Variants in PCDHA7 observed in about 807,000 individuals in gnomAD.
PCDHA7 encodes the protein protocadherin alpha-7.
Under a neutral mutation model 57.2 loss-of-function variants are expected in PCDHA7, and 37 were observed. The ratio of observed to expected loss-of-function variants is 0.65; its 90% confidence interval spans 0.50 to 0.85. The LOEUF (loss-of-function observed/expected upper bound fraction) is 0.85, where lower values mean the gene tolerates loss of function less well. Among genes scored for constraint, PCDHA7 ranks in the 40% least tolerant of loss-of-function variants. The probability of loss-of-function intolerance (pLI) is 0.00; values close to 1 mark genes in which losing one functional copy is unlikely to be tolerated. For missense variants in PCDHA7, 1,188 were observed against 1,241.8 expected, an observed-to-expected ratio of 0.96 and a Z score of 0.65; for synonymous variants, 553 against 558.8, an observed-to-expected ratio of 0.99 and a Z score of 0.15.
At chr5:140,844,886 G>A (rs1779598763) in intron 1 of PCDHA7, among the ~76,000 whole-genome samples, 1 of 149,368 alleles carries the variant, frequency 6.7e-6, no homozygotes, top group Admixed American at 6.7e-5. Context: ...TAGACTTCGT[G>A]CATATTGCTT....
At chr5:140,915,622 T>TTCTC (rs1418940406) in intron 1 of PCDHA7, among the ~76,000 whole-genome samples, 2 of 128,520 alleles carry the variant, frequency 1.6e-5, no homozygotes, top group South Asian at 2.5e-4. Flanking sequence ...AACAGTCTCT[T>TTCTC]TCTGTCTCTC....
intron 1 of PCDHA7, chr5:140,969,102 T>C: frequency 1.2e-6 from 2 of 1,614,114 alleles, no homozygotes; most frequent in African/African-American, 1.3e-5. Flanking sequence ...CCTCACTTCA[T>C]TGAAGTTCGA....
intron 1 of PCDHA7, among the ~76,000 whole-genome samples, chr5:140,923,268 G>C (rs2081286092): frequency 6.6e-6 from 1 of 152,154 alleles, no homozygotes; most frequent in Non-Finnish European, 1.5e-5. Context: ...GTGAGACCTT[G>C]TCTCTACAAA....
intron 3 of PCDHA7, among the ~76,000 whole-genome samples, chr5:140,986,211 C>T (rs1257937611): frequency 1.3e-5 from 2 of 152,126 alleles, no homozygotes; most frequent in African/African-American, 2.4e-5. Flanking sequence ...GATTACTGGC[C>T]CCTTTCTCTA....
chr5:140,888,886 T>TA (rs2062023222), intron 1 of PCDHA7, among the ~76,000 whole-genome samples: 1 of 152,036 alleles, frequency 6.6e-6, no homozygotes, highest in South Asian at 2.1e-4. Flanking sequence ...ATTAAAACAT[T>TA]AGAATTGAGG....
chr5:140,883,150 C>T, intron 1 of PCDHA7: 1 of 1,613,910 alleles, frequency 6.2e-7, no homozygotes, highest in Non-Finnish European at 8.5e-7. Flanking sequence ...ATGCATTTAC[C>T]ATAAATCCGA....
At chr5:140,946,868 T>C (rs1468330981) in intron 1 of PCDHA7, among the ~76,000 whole-genome samples, 1 of 151,412 alleles carries the variant, frequency 6.6e-6, no homozygotes, top group Admixed American at 6.6e-5. Context: ...GAGAGGTTGG[T>C]CAATGGGTAC....
At chr5:140,895,532 A>G (rs546443647) in intron 1 of PCDHA7, among the ~76,000 whole-genome samples, 1 of 152,172 alleles carries the variant, frequency 6.6e-6, no homozygotes, top group East Asian at 1.9e-4. Flanking sequence ...TCGTTTTTCA[A>G]TTGTTGAGTT....
At chr5:140,988,856 C>G (rs1363693153) in intron 3 of PCDHA7, 1 of 152,180 alleles carries the variant, frequency 6.6e-6, no homozygotes, top group African/African-American at 2.4e-5. Context: ...CCTATCCAGT[C>G]TCATGTGCAC....
chr5:141,011,752 C>T lies in PCDHA7; in HGVS notation c.*1815C>T, dbSNP rs1051150394. On this transcript the variant is annotated 3_prime_UTR_variant, in exon 4 of 4. Transcript: ENST00000525929. ...CAAGCACAAATTTTACCAATCTGAC[C>T]TCTTTGAAGTTGCAGAATGCTTTGA... The T allele has an allele frequency of 6.5e-6, 1 of 153,662 alleles. No homozygotes were observed. The highest frequency in any genetic ancestry group is 6.5e-5 in the Admixed American group (1 of 15,272). The allele number at this position is 153,662 out of a possible 1,614,324, so 9.5% of individuals were successfully genotyped here. A position where few individuals can be genotyped will look rare whatever the true frequency, so the allele number is the denominator to read the frequency against.
chr5:140,874,662 G>A (rs1478767625), intron 1 of PCDHA7, among the ~76,000 whole-genome samples: 1 of 152,170 alleles, frequency 6.6e-6, no homozygotes, highest in Non-Finnish European at 1.5e-5. Flanking sequence ...AAACTTTCCA[G>A]AATCTATTCC....
chr5:140,966,862 G>T (rs782810195), intron 1 of PCDHA7: 1 of 1,562,198 alleles, frequency 6.4e-7, no homozygotes. Context: ...TGCTGCTGTT[G>T]CTGCTGCTGC....
chr5:140,842,789 G>T (rs1554139384), intron 1 of PCDHA7: 1 of 1,594,392 alleles, frequency 6.3e-7, no homozygotes, highest in African/African-American at 1.3e-5. Context: ...GAACGCGCTG[G>T]TGTCCTACTC....
At chr5:140,842,603 C>CG in intron 1 of PCDHA7, 2 of 1,548,222 alleles carry the variant, frequency 1.3e-6, no homozygotes, top group Non-Finnish European at 1.8e-6. Flanking sequence ...GGTAACCGCG[C>CG]GGGACGGGGG....
chr5:140,862,161 C>G (rs1463036699), intron 1 of PCDHA7: 1 of 163,458 alleles, frequency 6.1e-6, no homozygotes, highest in African/African-American at 2.4e-5. Context: ...ATGAAAGATT[C>G]AAATACAGGC....
In PCDHA7 at chr5:140,990,889, G is replaced by A. The variant is rs569864202; in HGVS notation, c.2503+8326G>A. Among the ~76,000 whole-genome samples, 53 of 152,284 alleles carry A rather than the reference G, an allele frequency of 3.5e-4. 2 individuals are homozygous for A. The South Asian group carries it at 8.3e-3, about 24-fold the overall frequency. Reference sequence around the variant, plus strand: ...TTTAAGTGTATGTTCCAGTGAGTGGGTCGTTGCTGGGTCAAGTTTTATAAG... The same window carrying A: ...TTTAAGTGTATGTTCCAGTGAGTGGATCGTTGCTGGGTCAAGTTTTATAAG... On this transcript the variant is annotated intron_variant, in intron 3 of 3. Transcript: ENST00000525929.
chr5:140,850,415 G>T, intron 1 of PCDHA7: 1 of 1,597,962 alleles, frequency 6.3e-7, no homozygotes, highest in Non-Finnish European at 8.6e-7. Context: ...TGGACGAAAC[G>T]GACGCACCGC....
At chr5:140,946,165 G>A (rs1554217364) in intron 1 of PCDHA7, among the ~76,000 whole-genome samples, 5 of 151,838 alleles carry the variant, frequency 3.3e-5, no homozygotes, top group African/African-American at 1.2e-4. Flanking sequence ...TTAAAAGATG[G>A]GTAAAGGATG....
At chr5:140,866,680 C>G (rs2049493628) in intron 1 of PCDHA7, 1 of 152,138 alleles carries the variant, frequency 6.6e-6, no homozygotes, top group South Asian at 2.1e-4. Context: ...AGCACTAGGT[C>G]TGTTAGAATA....
Sources: gnomAD v4.1 joint callset for allele counts (sites outside exome capture counted in the v4.1 genomes callset) on GRCh38, gnomAD v4.1.1 for gene constraint, MANE v1.5 for transcripts, NCBI Gene and HGNC (gene_info 2026-07-23, HGNC 2026-07-21) for gene names.